Variants in SLC39A11 observed in about 807,000 individuals in gnomAD.
SLC39A11 encodes solute carrier family 39 member 11.
Under a neutral mutation model 36.1 loss-of-function variants are expected in SLC39A11, and 33 were observed. That is an observed-to-expected ratio of 0.91 (90% CI 0.69 to 1.22). The LOEUF is 1.22. Ranked by LOEUF, SLC39A11 falls within the 50% of genes most tolerant of loss-of-function variation. The pLI is 0.00. For missense variants in SLC39A11, 432 were observed against 430.3 expected (o/e 1.00, Z -0.03); for synonymous variants, 166 against 170.3 (o/e 0.97, Z 0.20).
intron 6 of SLC39A11, among the ~76,000 whole-genome samples, chr17:72,768,519 C>T (rs552802363): frequency 4.2e-4 from 64 of 152,270 alleles, no homozygotes; most frequent in African/African-American, 1.5e-3. Flanking sequence ...CAGAAGCTGA[C>T]CCAAGCAACC....
intron 7 of SLC39A11, among the ~76,000 whole-genome samples, chr17:72,660,417 A>G (rs539280754): frequency 6.6e-6 from 1 of 152,332 alleles, no homozygotes; most frequent in South Asian, 2.1e-4. Flanking sequence ...AGCTTTCACC[A>G]TTATTCCCAT....
At chr17:72,890,725 C>T (rs1354248644) in intron 5 of SLC39A11, among the ~76,000 whole-genome samples, 1 of 152,088 alleles carries the variant, frequency 6.6e-6, no homozygotes, top group Non-Finnish European at 1.5e-5. Flanking sequence ...ATTTGGGAGC[C>T]TGAGCCCCTA....
intron 6 of SLC39A11, among the ~76,000 whole-genome samples, chr17:72,795,391 G>A (rs1202207614): frequency 6.6e-6 from 1 of 152,074 alleles, no homozygotes; most frequent in East Asian, 1.9e-4. Flanking sequence ...CTGATAACAT[G>A]GCAGCTGGCT....
intron 6 of SLC39A11, among the ~76,000 whole-genome samples, chr17:72,799,768 A>C (rs1159228898): frequency 6.6e-6 from 1 of 150,622 alleles, no homozygotes; most frequent in African/African-American, 2.4e-5. Context: ...TATCAAGACA[A>C]TATGTGCACC....
intron 3 of SLC39A11, chr17:73,067,891 G>A: frequency 2.5e-6 from 4 of 1,607,848 alleles, no homozygotes; most frequent in Admixed American, 1.7e-5. Context: ...GAGACTTGCA[G>A]TAATGTAAAA....
chr17:72,853,996 G>A (rs369453219), intron 5 of SLC39A11, among the ~76,000 whole-genome samples: 4 of 152,262 alleles, frequency 2.6e-5, no homozygotes, highest in South Asian at 4.1e-4. Flanking sequence ...AGTTTGGGAA[G>A]GAGGAGTAGA....
At chr17:73,008,479 C>A (rs938066343) in intron 4 of SLC39A11, among the ~76,000 whole-genome samples, 1 of 152,190 alleles carries the variant, frequency 6.6e-6, no homozygotes, top group East Asian at 1.9e-4. Flanking sequence ...CAGAGCTGAG[C>A]TTCACACATG....
intron 6 of SLC39A11, among the ~76,000 whole-genome samples, chr17:72,750,883 C>T (rs2075129589): frequency 6.6e-6 from 1 of 152,140 alleles, no homozygotes; most frequent in Non-Finnish European, 1.5e-5. Context: ...GGATAGGCCC[C>T]GTGTGGTCAT....
At chr17:72,861,544 C>T (rs1287298833) in intron 5 of SLC39A11, among the ~76,000 whole-genome samples, 1 of 150,836 alleles carries the variant, frequency 6.6e-6, no homozygotes, top group Admixed American at 6.6e-5. Context: ...TGCTGGCTGG[C>T]TGGTTATCCA....
chr17:72,981,063 A>G (rs990530472), intron 4 of SLC39A11, among the ~76,000 whole-genome samples: 2 of 152,120 alleles, frequency 1.3e-5, no homozygotes, highest in African/African-American at 2.4e-5. Context: ...CAAATATAAC[A>G]TTAAATTTTC....
intron 5 of SLC39A11, among the ~76,000 whole-genome samples, chr17:72,851,407 A>T (rs1360180565): frequency 2.6e-5 from 4 of 152,168 alleles, no homozygotes; most frequent in African/African-American, 9.6e-5. Context: ...TAGAGGAGAT[A>T]GGTCTTGAGT....
chr17:72,648,760 T>G (rs759750521), intron 9 of SLC39A11, 43 bp downstream of exon 9: 4 of 1,608,214 alleles, frequency 2.5e-6, no homozygotes, highest in Non-Finnish European at 3.4e-6. Flanking sequence ...GGGTCCCAGC[T>G]GGGACTGGGA....
At chr17:72,656,992 AT>A (rs1379447738) in intron 7 of SLC39A11, among the ~76,000 whole-genome samples, 4 of 152,128 alleles carry the variant, frequency 2.6e-5, no homozygotes, top group African/African-American at 9.7e-5. Flanking sequence ...ATAAATAAAA[AT>A]AAATAAAAAA....
chr17:72,949,143 G>GTTTTTTTTTT, intron 4 of SLC39A11, among the ~76,000 whole-genome samples: 1 of 52,572 alleles, frequency 1.9e-5, no homozygotes, highest in East Asian at 7.1e-4. Flanking sequence ...ACACTGGGCA[G>GTTTTTTTTTT]CTTTTTTTTT....
intron 6 of SLC39A11, among the ~76,000 whole-genome samples, chr17:72,817,377 G>A (rs149002260): frequency 2.2e-4 from 33 of 151,930 alleles, no homozygotes; most frequent in African/African-American, 7.7e-4. Context: ...AGGAGGTGGT[G>A]GTGTAAGGTC....
Position 72,708,785 on chromosome 17 carries a change from A to G in SLC39A11, c.671+27865T>C, listed in dbSNP as rs1281652822. ...GTTTTGAGAAGCTGTAGCTAGCTCAATGATAAGCCTTGGATTTGCTTTCTT... is the reference window on the plus strand; with the variant it reads ...GTTTTGAGAAGCTGTAGCTAGCTCAGTGATAAGCCTTGGATTTGCTTTCTT... On this transcript the variant is annotated intron_variant, in intron 7 of 9. Coordinates refer to ENST00000255559, the MANE Select transcript of SLC39A11 (RefSeq NM_139177.4). Among the ~76,000 whole-genome samples the G allele has an allele frequency of 3.9e-5, 6 of 152,218 alleles. 1 individual carries two copies. In the East Asian group the frequency reaches 9.6e-4, roughly 24 times the overall value.
At chr17:72,875,176 T>C (rs2080833478) in intron 5 of SLC39A11, among the ~76,000 whole-genome samples, 1 of 152,152 alleles carries the variant, frequency 6.6e-6, no homozygotes, top group African/African-American at 2.4e-5. Flanking sequence ...TCACAAGAAA[T>C]GTAAGGAAGT....
intron 5 of SLC39A11, among the ~76,000 whole-genome samples, chr17:72,919,167 G>A (rs1047752308): frequency 4.6e-5 from 7 of 152,104 alleles, no homozygotes; most frequent in Non-Finnish European, 7.3e-5. Context: ...TCTGGAGCAT[G>A]GTTATACATT....
rs531364017 is a variant in SLC39A11 at position 72,900,287 on chromosome 17, C to T, written c.430+47465G>A. Among the ~76,000 whole-genome samples the T allele has an allele frequency of 2.7e-3, 415 of 151,480 alleles. 5 individuals carry two copies. The highest frequency in any genetic ancestry group is 9.5e-3 in the African/African-American group (389 of 40,986). The stretch of plus-strand genomic sequence containing the variant: ...GCCTTTGGGAGAAGGAGCTCACTTC[C>T]CAGAGAGATACCATTTGAGCAAGGA... On this transcript the variant is annotated intron_variant, in intron 5 of 9. Transcript: ENST00000255559.
Sources: gnomAD v4.1 joint callset for allele counts (sites outside exome capture counted in the v4.1 genomes callset) on GRCh38, gnomAD v4.1.1 for gene constraint, MANE v1.5 for transcripts, NCBI Gene and HGNC (gene_info 2026-07-23, HGNC 2026-07-21) for gene names.